CD2AP: variants seen among roughly 807,000 people sequenced by gnomAD.
CD2AP encodes CD2 associated protein.
Under a neutral mutation model 85.1 loss-of-function variants are expected in CD2AP, and 46 were observed. The observed-to-expected ratio is 0.54, with a 90% CI of 0.43 to 0.69. The LOEUF is 0.69. Among genes scored for constraint, CD2AP ranks in the 30% least tolerant of loss-of-function variants. The pLI, the probability that CD2AP is intolerant of heterozygous loss-of-function variation, is 0.00. For synonymous variants in CD2AP, 255 were observed against 252.9 expected, an observed-to-expected ratio of 1.01 and a Z score of -0.08; for missense variants, 769 against 729.5, an observed-to-expected ratio of 1.05 and a Z score of -0.62.
At chr6:47,589,565 C>CACACACACATATATATATAT (rs139814970) in intron 11 of CD2AP, among the ~76,000 whole-genome samples, 7 of 120,942 alleles carry the variant, frequency 5.8e-5, no homozygotes, top group African/African-American at 1.2e-4. Context: ...CACACACACA[C>CACACACACATATATATATAT]ATATATATAT....
chr6:47,613,942 T>G (rs373531547), intron 17 of CD2AP, among the ~76,000 whole-genome samples: 81 of 152,334 alleles, frequency 5.3e-4, no homozygotes, highest in African/African-American at 1.7e-3. Context: ...TGGAGATGGC[T>G]TCTTAAACCA....
intron 4 of CD2AP, among the ~76,000 whole-genome samples, chr6:47,554,085 G>T (rs1451956608): frequency 6.6e-6 from 1 of 151,888 alleles, no homozygotes; most frequent in Non-Finnish European, 1.5e-5. Flanking sequence ...GCTAACTTTC[G>T]TATTTTTTTT....
chr6:47,574,963 G>C (rs1013015453), intron 6 of CD2AP, among the ~76,000 whole-genome samples: 1 of 152,114 alleles, frequency 6.6e-6, no homozygotes, highest in East Asian at 1.9e-4. Flanking sequence ...GTATTTATTT[G>C]ATTCGTGTAG....
intron 1 of CD2AP, among the ~76,000 whole-genome samples, chr6:47,495,994 T>C (rs1388997597): frequency 7.2e-5 from 11 of 152,216 alleles, no homozygotes; most frequent in Admixed American, 7.2e-4. Context: ...ATTTTTAATT[T>C]CCTATATGAT....
intron 2 of CD2AP, among the ~76,000 whole-genome samples, chr6:47,530,896 T>C (rs1766856974): frequency 6.6e-6 from 1 of 152,210 alleles, no homozygotes; most frequent in Non-Finnish European, 1.5e-5. Context: ...TGTGGACATA[T>C]ATTGCCAGAA....
At chr6:47,546,846 A>G (rs1767377084) in intron 4 of CD2AP, among the ~76,000 whole-genome samples, 1 of 152,200 alleles carries the variant, frequency 6.6e-6, no homozygotes, top group Non-Finnish European at 1.5e-5. Context: ...CAGAAACCAT[A>G]CAAGCTAGAA....
At chr6:47,573,860 AATT>A (rs757533709) in intron 5 of CD2AP, among the ~76,000 whole-genome samples, 34 of 152,262 alleles carry the variant, frequency 2.2e-4, no homozygotes, top group Admixed American at 1.1e-3. Context: ...ATTTACCTAA[AATT>A]ATTATCGTTT....
At chr6:47,608,910 AAATTGTC>A (rs2114149105) in intron 15 of CD2AP, among the ~76,000 whole-genome samples, 1 of 152,202 alleles carries the variant, frequency 6.6e-6, no homozygotes, top group Non-Finnish European at 1.5e-5. Context: ...TCTGTTAATA[AAATTGTC>A]ATTTTCTACA....
intron 2 of CD2AP, among the ~76,000 whole-genome samples, chr6:47,530,284 A>G (rs954092179): frequency 3.3e-5 from 5 of 152,246 alleles, no homozygotes; most frequent in Admixed American, 1.3e-4. Flanking sequence ...ACAATTGTAT[A>G]CAACCGTGAA....
chr6:47,597,398 A>G (rs562901280), intron 12 of CD2AP, among the ~76,000 whole-genome samples: 8 of 150,872 alleles, frequency 5.3e-5, no homozygotes, highest in Admixed American at 4.0e-4. Context: ...AGAAAAGCCA[A>G]GAAGCAGACA....
At chr6:47,608,905 T>G (rs1479538110) in intron 15 of CD2AP, among the ~76,000 whole-genome samples, 11 of 152,176 alleles carry the variant, frequency 7.2e-5, no homozygotes. Flanking sequence ...TTTCTTCTGT[T>G]AATAAAATTG....
intron 11 of CD2AP, among the ~76,000 whole-genome samples, chr6:47,586,916 G>T (rs1380043256): frequency 6.6e-6 from 1 of 152,062 alleles, no homozygotes; most frequent in Non-Finnish European, 1.5e-5. Flanking sequence ...AACAAGAGAA[G>T]GCATAACAAA....
intron 3 of CD2AP, among the ~76,000 whole-genome samples, chr6:47,542,483 T>C (rs1485728572): frequency 2.0e-5 from 3 of 152,236 alleles, no homozygotes; most frequent in Non-Finnish European, 2.9e-5. Context: ...TAGGATCTTT[T>C]TGAGAAATGA....
intron 5 of CD2AP, among the ~76,000 whole-genome samples, chr6:47,559,248 T>A (rs1767780655): frequency 6.6e-6 from 1 of 151,408 alleles, no homozygotes; most frequent in African/African-American, 2.4e-5. Context: ...GGTCTCTCTG[T>A]TTCGTGCAAT....
At chr6:47,489,017 C>A (rs184700041) in intron 1 of CD2AP, 2 of 152,306 alleles carry the variant, frequency 1.3e-5, no homozygotes, top group African/African-American at 2.4e-5. Flanking sequence ...GCTGTTCTTA[C>A]AAGTTCTTGT....
rs542575880 is a variant in CD2AP at position 47,595,856 on chromosome 6, C to G, written c.1109-5C>G. On this transcript the variant is annotated splice_polypyrimidine_tract_variant and splice_region_variant and intron_variant, in intron 11 of 17. Transcript: ENST00000359314. ...TAATAACTTGTGAAATATTTTAAAT[C>G]TTAGATGAAAAATCAACACTGGAAC... 5.6e-6 allele frequency: 9 copies of G among 1,609,342 alleles called. No homozygotes were observed. The South Asian group carries it at 9.9e-5, about 18-fold the overall frequency.
chr6:47,480,524 A>G (rs115629636), intron 1 of CD2AP, among the ~76,000 whole-genome samples: 5,696 of 152,252 alleles, frequency 0.037, 346 homozygotes, highest in African/African-American at 0.13. Context: ...CTTGAGGTCA[A>G]ATTCTCTTCT....
intron 17 of CD2AP, among the ~76,000 whole-genome samples, chr6:47,619,259 C>G (rs1769680893): frequency 6.6e-6 from 1 of 152,196 alleles, no homozygotes; most frequent in Non-Finnish European, 1.5e-5. Context: ...AAAGTCTGTT[C>G]TATCATTCTT....
chr6:47,548,145 G>A (rs539277635), intron 4 of CD2AP, among the ~76,000 whole-genome samples: 1 of 151,998 alleles, frequency 6.6e-6, no homozygotes, highest in Admixed American at 6.5e-5. Flanking sequence ...CTCAAGAAAC[G>A]AGAAAAAGAA....
Sources: gnomAD v4.1 joint callset for allele counts (sites outside exome capture counted in the v4.1 genomes callset) on GRCh38, gnomAD v4.1.1 for gene constraint, MANE v1.5 for transcripts, NCBI Gene and HGNC (gene_info 2026-07-23, HGNC 2026-07-21) for gene names.